ZNF266: variants seen among roughly 807,000 people sequenced by gnomAD.
ZNF266 encodes the protein zinc finger protein 1.
A neutral mutation model predicts 16.4 loss-of-function variants in ZNF266; 16 were observed. The observed-to-expected ratio is 0.98, with a 90% CI of 0.66 to 1.48. The LOEUF (loss-of-function observed/expected upper bound fraction) is 1.48, where lower values mean the gene tolerates loss of function less well. Ranked by LOEUF, ZNF266 falls within the 40% of genes most tolerant of loss-of-function variation. The pLI is 0.00. For missense variants in ZNF266, 738 were observed against 689.1 expected, an observed-to-expected ratio of 1.07 and a Z score of -0.79; for synonymous variants, 262 against 237.9, an observed-to-expected ratio of 1.10 and a Z score of -0.93.
chr19:9,426,917 T>G (rs953457749), intron 5 of ZNF266, among the ~76,000 whole-genome samples: 1 of 152,326 alleles, frequency 6.6e-6, no homozygotes, highest in East Asian at 1.9e-4. Flanking sequence ...ATATTCCATA[T>G]TAGGTATAAA....
chr19:9,415,728 C>A lies in ZNF266; in HGVS notation c.331G>T (p.Val111Leu). 6.2e-7 allele frequency: 1 copy of A among 1,612,854 alleles called. No homozygotes were observed. Residue 111 changes from valine (V) to leucine (L), a missense_variant, in exon 10 of 11, where the codon GTG becomes TTG. Coordinates refer to ENST00000592904, the MANE Select transcript of ZNF266 (RefSeq NM_001370374.1). ...GCTAACTCTTTGGTTTTAAGTTGCA[C>A]TTTCCATTCTGAAGCTGAAGAGAAA... is the stretch of plus-strand genomic sequence containing the variant. The part of the protein sequence containing the change: ...RGDFQASEWK[V>L]QLKTKELALQ...
chr19:9,424,118 G>T (rs2070345179), intron 5 of ZNF266, among the ~76,000 whole-genome samples: 1 of 151,692 alleles, frequency 6.6e-6, no homozygotes, highest in South Asian at 2.1e-4. Context: ...AGACCCTAGA[G>T]GAAAATGCCC....
At chr19:9,424,364 A>G (rs1438713332) in intron 5 of ZNF266, among the ~76,000 whole-genome samples, 5 of 152,254 alleles carry the variant, frequency 3.3e-5, no homozygotes, top group Non-Finnish European at 5.9e-5. Context: ...GAGTACTTCT[A>G]TACTCCATAG....
At chr19:9,418,039 G>T (rs977250780) in intron 8 of ZNF266, 131 bp from the exon 9 acceptor site, 1 of 903,438 alleles carries the variant, frequency 1.1e-6, no homozygotes, top group Non-Finnish European at 1.7e-6. Flanking sequence ...TGCAAATATC[G>T]TCTGTCTGTG....
intron 5 of ZNF266, among the ~76,000 whole-genome samples, chr19:9,432,562 A>G (rs773845353): frequency 2.0e-5 from 3 of 152,170 alleles, no homozygotes; most frequent in Non-Finnish European, 1.5e-5. Flanking sequence ...ACATACAACA[A>G]AGCGAATTTT....
chr19:9,432,418 C>A (rs913406904), intron 5 of ZNF266, among the ~76,000 whole-genome samples: 3 of 152,166 alleles, frequency 2.0e-5, no homozygotes, highest in Non-Finnish European at 4.4e-5. Context: ...ATATCAGAAT[C>A]CCCATCAATG....
Position 9,418,610 on chromosome 19 carries a change from G to A in ZNF266, c.130C>T (p.Leu44=). The change falls in exon 8 of 11, where the codon CTG becomes TTG. Residue 44 remains leucine, a synonymous_variant. Transcript: ENST00000592904. ...CYQDSVTFDD[L]AVDFTPEEWT... ...TCTTCTGGGGTGAAGTCCACAGCCA[G>A]ATCATCAAAAGTCACTGAATCCTAA... 1.3e-6 allele frequency: 2 copies of A among 1,521,544 alleles called. No individual in the cohort carries two copies. The highest frequency in any genetic ancestry group is 1.1e-5 in the South Asian group (1 of 89,134). The allele number at this position is 1,521,544 out of a possible 1,614,324, so 94.3% of individuals were successfully genotyped here.
chr19:9,425,474 G>A (rs185615362), intron 5 of ZNF266, among the ~76,000 whole-genome samples: 1 of 152,350 alleles, frequency 6.6e-6, no homozygotes, highest in South Asian at 2.1e-4. Flanking sequence ...TCTCCAGAGA[G>A]AGAGAGACCC....
chr19:9,426,424 CCTT>C (rs552460265), intron 5 of ZNF266, among the ~76,000 whole-genome samples: 2 of 151,996 alleles, frequency 1.3e-5, no homozygotes, highest in South Asian at 2.1e-4. Flanking sequence ...CCTTACCCCT[CCTT>C]CTTTTCCTCT....
chr19:9,422,487 T>C (rs1448022384), intron 5 of ZNF266, among the ~76,000 whole-genome samples: 3 of 152,218 alleles, frequency 2.0e-5, no homozygotes, highest in African/African-American at 4.8e-5. Flanking sequence ...ACTGTCTCTT[T>C]CTATGCACTT....
chr19:9,433,145 A>G (rs1037222468), intron 5 of ZNF266, among the ~76,000 whole-genome samples: 1 of 152,208 alleles, frequency 6.6e-6, no homozygotes, highest in Non-Finnish European at 1.5e-5. Context: ...CAGACATGGG[A>G]AGAACGTGCA....
intron 5 of ZNF266, among the ~76,000 whole-genome samples, chr19:9,426,544 A>C (rs2070781274): frequency 6.6e-6 from 1 of 152,148 alleles, no homozygotes; most frequent in African/African-American, 2.4e-5. Context: ...GTTCAAGAAA[A>C]AAAAAAAGAG....
chr19:9,416,663 CTTTTTTTTTTTTTT>C (rs368700653), intron 9 of ZNF266, among the ~76,000 whole-genome samples: 21 of 56,948 alleles, frequency 3.7e-4, no homozygotes, highest in Admixed American at 7.5e-4. Context: ...CGTGCCAGGC[CTTTTTTTTTTTTTT>C]TTTTTTTTTT....
chr19:9,419,878 G>A (rs1393617575), intron 6 of ZNF266, 187 bp downstream of exon 6: 1 of 143,552 alleles, frequency 7.0e-6, no homozygotes, highest in Admixed American at 7.3e-5. Flanking sequence ...TCCAGCCTGA[G>A]CAACAGAGCA....
intron 5 of ZNF266, among the ~76,000 whole-genome samples, chr19:9,429,766 AC>A (rs1441443787): frequency 1.3e-5 from 2 of 152,170 alleles, no homozygotes; most frequent in African/African-American, 4.8e-5. Context: ...ACACCCACAT[AC>A]CCAAGCCTGA....
intron 5 of ZNF266, among the ~76,000 whole-genome samples, chr19:9,430,933 C>T (rs1338919361): frequency 2.8e-4 from 43 of 152,314 alleles, no homozygotes; most frequent in Non-Finnish European, 7.3e-5. Flanking sequence ...CTGTCAGGAC[C>T]TCAAGGGCAA....
In ZNF266 at chr19:9,417,908, C is replaced by A. The variant is rs1313115959; in HGVS notation, c.236G>T (p.Gly79Val). The change falls in exon 9 of 11, where the codon GGA (glycine) becomes GTA (valine). Residue 79 changes from glycine (G) to valine (V), a missense_variant and splice_region_variant. Transcript: ENST00000592904. ...LENYKNLATV[G>V]YQLFKPSLIS... Reference sequence around the variant, plus strand: ...CAGACTGGGTTTGAAGAGCTGATATCCTGTGCACAAAGAAAGATACATTAC... The same window carrying A: ...CAGACTGGGTTTGAAGAGCTGATATACTGTGCACAAAGAAAGATACATTAC... 3 of 1,613,826 alleles carry A rather than the reference C, an allele frequency of 1.9e-6. No individual in the cohort carries two copies. Among genetic ancestry groups the A allele is most frequent in the Non-Finnish European group, 2.5e-6 (3 of 1,179,886 alleles).
At position 9,414,472 on chromosome 19, in the gene ZNF266, T is replaced by G. The variant is rs182469384; in HGVS notation, c.654A>C (p.Thr218=). 2.5e-5 allele frequency: 41 copies of G among 1,614,216 alleles called. 1 individual carries two copies. The Admixed American group carries it at 3.2e-4, about 12-fold the overall frequency. The change falls in exon 11 of 11, where the codon ACA becomes ACC. Residue 218 remains threonine, a synonymous_variant. Coordinates refer to ENST00000592904, the MANE Select transcript of ZNF266 (RefSeq NM_001370374.1). ...CACTGCAATCAAAAGCTTTCTCTCC[T>G]GTGCACGTTCTCTGGCAAACAACAT... ...NPDVVCQRTC[T]GEKAFDCSDS... is the part of the protein sequence containing the mutation.
At chr19:9,422,812 G>A (rs1331000771) in intron 5 of ZNF266, among the ~76,000 whole-genome samples, 1 of 152,218 alleles carries the variant, frequency 6.6e-6, no homozygotes, top group Non-Finnish European at 1.5e-5. Flanking sequence ...GCCTGCTTCT[G>A]GGTCTGGAGT....
Sources: allele counts gnomAD v4.1 joint callset (sites outside exome capture counted in the v4.1 genomes callset), GRCh38; gene constraint gnomAD v4.1.1; transcripts MANE v1.5; gene names NCBI Gene and HGNC (gene_info 2026-07-23, HGNC 2026-07-21).